The following TENM3 variants were observed in gnomAD, a reference collection of about 807,000 sequenced individuals.
TENM3 encodes teneurin-3.
Under a neutral mutation model 255.1 loss-of-function variants are expected in TENM3, and 63 were observed. The observed-to-expected ratio is 0.25, with a 90% CI of 0.20 to 0.30. The LOEUF (loss-of-function observed/expected upper bound fraction) is 0.30, where lower values mean the gene tolerates loss of function less well. TENM3 is among the 10% of genes least tolerant of loss of function. The probability of loss-of-function intolerance (pLI) is 1.00; values close to 1 mark genes in which losing one functional copy is unlikely to be tolerated. For missense variants in TENM3, 2,929 were observed against 3,461.1 expected (o/e 0.85, Z 3.86); for synonymous variants, 1,306 against 1,322.3 (o/e 0.99, Z 0.27).
At chr4:182,670,179 A>G (rs2309760) in intron 6 of TENM3, among the ~76,000 whole-genome samples, 49,183 of 152,050 alleles carry the variant, frequency 0.32, 8,478 homozygotes, top group South Asian at 0.46. Context: ...GAAATGAACA[A>G]GTATTACTAT....
In TENM3 at chr4:182,768,778, A is replaced by C. The variant is rs775910838; in HGVS notation, c.4893-4694A>C. ...CAATCCAAATTAAAGACCAACAAAC[A>C]GATAAACATCAAATAAGGGCATCTC... On this transcript the variant is annotated intron_variant, in intron 22 of 27. Coordinates refer to ENST00000511685, the MANE Select transcript of TENM3 (RefSeq NM_001080477.4). Among the ~76,000 whole-genome samples, 33 of 152,324 alleles carry C rather than the reference A, an allele frequency of 2.2e-4. 1 individual carries two copies. The highest frequency in any genetic ancestry group is 4.4e-4 in the Non-Finnish European group (30 of 68,032).
intron 1 of TENM3, among the ~76,000 whole-genome samples, chr4:182,149,634 G>T (rs762158769): frequency 9.2e-5 from 14 of 152,024 alleles, no homozygotes; most frequent in Non-Finnish European, 1.9e-4. Flanking sequence ...GCTAGGATCG[G>T]GTAGCACTGA....
chr4:182,582,819 G>GA, intron 3 of TENM3, among the ~76,000 whole-genome samples: 1 of 152,198 alleles, frequency 6.6e-6, no homozygotes, highest in East Asian at 1.9e-4. Flanking sequence ...CATACAACAA[G>GA]AAAAAATTCA....
chr4:182,090,956 T>G, the TENM3 span, among the ~76,000 whole-genome samples: 6 of 152,220 alleles, frequency 3.9e-5, no homozygotes, highest in Admixed American at 2.6e-4. Context: ...ACTGTTATCC[T>G]AAATCTAATT....
chr4:182,163,805 C>T (rs575720993), intron 1 of TENM3, among the ~76,000 whole-genome samples: 4 of 152,156 alleles, frequency 2.6e-5, no homozygotes, highest in Non-Finnish European at 5.9e-5. Flanking sequence ...TGTGACATCT[C>T]AGCAACTGCC....
intron 1 of TENM3, among the ~76,000 whole-genome samples, chr4:182,257,938 A>AAAGC (rs1317961006): frequency 6.6e-6 from 1 of 152,140 alleles, no homozygotes; most frequent in Non-Finnish European, 1.5e-5. Flanking sequence ...TCTTATTGCT[A>AAAGC]ACTATTTTGT....
At chr4:182,070,392 G>A in the TENM3 span, among the ~76,000 whole-genome samples, 1 of 152,228 alleles carries the variant, frequency 6.6e-6, no homozygotes, top group Non-Finnish European at 1.5e-5. Context: ...GCCAAGGTGG[G>A]TGGATCACTC....
the TENM3 span, among the ~76,000 whole-genome samples, chr4:181,860,503 G>A: frequency 2.6e-5 from 4 of 152,162 alleles, no homozygotes; most frequent in Admixed American, 2.6e-4. Context: ...ACAACCAAGA[G>A]ATTTGTGGTA....
chr4:181,536,667 C>T, the TENM3 span, among the ~76,000 whole-genome samples: 1 of 152,158 alleles, frequency 6.6e-6, no homozygotes, highest in African/African-American at 2.4e-5. Flanking sequence ...GACACATGCA[C>T]CATTGAATAA....
At chr4:182,024,111 G>T in the TENM3 span, among the ~76,000 whole-genome samples, 1 of 151,848 alleles carries the variant, frequency 6.6e-6, no homozygotes, top group Non-Finnish European at 1.5e-5. Context: ...AGATTTGGGG[G>T]AAAAAACAAC....
the TENM3 span, among the ~76,000 whole-genome samples, chr4:181,504,512 A>C: frequency 1.3e-5 from 2 of 151,978 alleles, no homozygotes; most frequent in African/African-American, 4.8e-5. Flanking sequence ...ATTTTCTCCT[A>C]TTGTCTCCTC....
chr4:181,714,493 G>GAGGAACAGA, the TENM3 span, among the ~76,000 whole-genome samples: 1 of 152,128 alleles, frequency 6.6e-6, no homozygotes. Context: ...AGGCTCACTG[G>GAGGAACAGA]AGGAACAGAT....
At chr4:182,073,057 G>C in the TENM3 span, among the ~76,000 whole-genome samples, 1 of 152,154 alleles carries the variant, frequency 6.6e-6, no homozygotes, top group East Asian at 1.9e-4. Context: ...AAATACTTGA[G>C]ACTGGGTAAT....
At chr4:181,473,835 G>GTA in the TENM3 span, among the ~76,000 whole-genome samples, 59,952 of 142,304 alleles carry the variant, frequency 0.42, 12,611 homozygotes, top group Non-Finnish European at 0.46. Context: ...TATGTATACT[G>GTA]TATATATATA....
At chr4:182,589,740 A>C (rs1746416277) in intron 3 of TENM3, among the ~76,000 whole-genome samples, 1 of 152,100 alleles carries the variant, frequency 6.6e-6, no homozygotes, top group South Asian at 2.1e-4. Context: ...TGGGAGGCCG[A>C]GGTGGGCAGA....
At chr4:182,261,804 C>T (rs114605780) in intron 1 of TENM3, among the ~76,000 whole-genome samples, 3,173 of 152,274 alleles carry the variant, frequency 0.021, 103 homozygotes, top group African/African-American at 0.071. Context: ...TTACATATTA[C>T]GTCGTCTATG....
intron 3 of TENM3, among the ~76,000 whole-genome samples, chr4:182,538,624 A>ATG (rs1740567540): frequency 6.6e-6 from 1 of 152,174 alleles, no homozygotes; most frequent in African/African-American, 2.4e-5. Flanking sequence ...GGTTAGAAGG[A>ATG]TGTGACCAGA....
chr4:181,997,070 T>A, the TENM3 span, among the ~76,000 whole-genome samples: 1 of 152,134 alleles, frequency 6.6e-6, no homozygotes, highest in Non-Finnish European at 1.5e-5. Context: ...TGTCTACAGA[T>A]TTTGTGGAGA....
the TENM3 span, among the ~76,000 whole-genome samples, chr4:181,583,918 A>G: frequency 2.0e-5 from 3 of 152,208 alleles, no homozygotes; most frequent in African/African-American, 7.2e-5. Flanking sequence ...TTGTCTTCTT[A>G]GCTAGATCAA....
Sources: allele counts gnomAD v4.1 joint callset (sites outside exome capture counted in the v4.1 genomes callset), GRCh38; gene constraint gnomAD v4.1.1; transcripts MANE v1.5; gene names NCBI Gene and HGNC (gene_info 2026-07-23, HGNC 2026-07-21).